The following PPM1H variants were observed in gnomAD, a reference collection of about 807,000 sequenced individuals.
PPM1H encodes protein phosphatase, Mg2+/Mn2+ dependent 1H.
Under a neutral mutation model 54.9 loss-of-function variants are expected in PPM1H, and 27 were observed. The observed-to-expected ratio is 0.49, with a 90% CI of 0.36 to 0.68. The LOEUF (loss-of-function observed/expected upper bound fraction) is 0.68, where lower values mean the gene tolerates loss of function less well. PPM1H is among the 30% of genes least tolerant of loss of function. PPM1H has a pLI of 0.00. For missense variants in PPM1H, 596 were observed against 667.8 expected (o/e 0.89, Z 1.19); for synonymous variants, 305 against 270.8 (o/e 1.13, Z -1.24).
At chr12:62,882,851 G>A (rs919547481) in intron 1 of PPM1H, among the ~76,000 whole-genome samples, 4 of 152,100 alleles carry the variant, frequency 2.6e-5, no homozygotes, top group South Asian at 2.1e-4. Flanking sequence ...CCCCCAGTGC[G>A]GTTTCATGCC....
intron 4 of PPM1H, among the ~76,000 whole-genome samples, chr12:62,767,670 A>G (rs2076552501): frequency 6.6e-6 from 1 of 152,174 alleles, no homozygotes; most frequent in African/African-American, 2.4e-5. Context: ...GATTCGTGTA[A>G]TATGAGTCAC....
chr12:62,898,410 A>G (rs1871061272), intron 1 of PPM1H, among the ~76,000 whole-genome samples: 1 of 152,246 alleles, frequency 6.6e-6, no homozygotes, highest in African/African-American at 2.4e-5. Context: ...GTGGGGCGAC[A>G]AAGGAAAAAA....
intron 4 of PPM1H, among the ~76,000 whole-genome samples, chr12:62,738,862 C>A (rs1430456607): frequency 4.6e-5 from 7 of 152,088 alleles, no homozygotes; most frequent in African/African-American, 1.7e-4. Flanking sequence ...TCTCCCAGTG[C>A]AGAGGCAGTT....
At chr12:62,721,847 T>G (rs2076265624) in intron 5 of PPM1H, among the ~76,000 whole-genome samples, 1 of 152,186 alleles carries the variant, frequency 6.6e-6, no homozygotes. Context: ...TTACAAAAAA[T>G]TATTATAGTC....
intron 9 of PPM1H, among the ~76,000 whole-genome samples, chr12:62,652,572 T>C (rs2075822260): frequency 6.6e-6 from 1 of 152,240 alleles, no homozygotes. Context: ...CTTCTTTCCT[T>C]CTTTCTTGTT....
At chr12:62,875,412 G>A (rs924666150) in intron 1 of PPM1H, among the ~76,000 whole-genome samples, 1 of 152,172 alleles carries the variant, frequency 6.6e-6, no homozygotes, top group Non-Finnish European at 1.5e-5. Context: ...GAAATACTTC[G>A]ATTCACCCTT....
intron 8 of PPM1H, among the ~76,000 whole-genome samples, chr12:62,687,459 C>G (rs558198730): frequency 1.1e-4 from 16 of 152,076 alleles, no homozygotes; most frequent in Non-Finnish European, 1.8e-4. Flanking sequence ...GAACAAGGGT[C>G]CTGCTATGTT....
intron 9 of PPM1H, among the ~76,000 whole-genome samples, chr12:62,658,392 C>T (rs1302448681): frequency 6.6e-6 from 1 of 151,984 alleles, no homozygotes; most frequent in Non-Finnish European, 1.5e-5. Context: ...GTAATAGTAA[C>T]AATTTATTCC....
intron 5 of PPM1H, among the ~76,000 whole-genome samples, chr12:62,728,613 G>A (rs1259748237): frequency 6.6e-6 from 1 of 152,224 alleles, no homozygotes; most frequent in Non-Finnish European, 1.5e-5. Flanking sequence ...CACTAGGCAA[G>A]AGGGAGGCCA....
chr12:62,867,564 ATTTTTTTTTTTTT>A (rs34772338), intron 1 of PPM1H, among the ~76,000 whole-genome samples: 15 of 55,372 alleles, frequency 2.7e-4, no homozygotes, highest in South Asian at 9.1e-4. Flanking sequence ...TATGAGCACT[ATTTTTTTTTTTTT>A]TTTTTTTTTT....
At chr12:62,743,464 A>G (rs1368569538) in intron 4 of PPM1H, among the ~76,000 whole-genome samples, 3 of 152,182 alleles carry the variant, frequency 2.0e-5, no homozygotes, top group Admixed American at 2.0e-4. Context: ...ACTAATTCCT[A>G]GAAAATCCCG....
intron 4 of PPM1H, among the ~76,000 whole-genome samples, chr12:62,742,887 A>G (rs2076390034): frequency 6.6e-6 from 1 of 152,224 alleles, no homozygotes; most frequent in Non-Finnish European, 1.5e-5. Context: ...ATTATCCAAT[A>G]TTAAGGTTAG....
intron 8 of PPM1H, among the ~76,000 whole-genome samples, chr12:62,683,067 TTATTATTA>T (rs2076031215): frequency 2.0e-5 from 3 of 146,890 alleles, no homozygotes; most frequent in African/African-American, 5.0e-5. Context: ...ATTATTATTA[TTATTATTA>T]TTATTATTAT....
intron 1 of PPM1H, among the ~76,000 whole-genome samples, chr12:62,873,662 G>A (rs545575705): frequency 2.0e-5 from 3 of 152,098 alleles, no homozygotes; most frequent in Admixed American, 1.3e-4. Flanking sequence ...GAGAGGACTC[G>A]CACTAACCCA....
At chr12:62,806,636 A>G (rs986178797) in intron 2 of PPM1H, among the ~76,000 whole-genome samples, 15 of 152,070 alleles carry the variant, frequency 9.9e-5, no homozygotes, top group African/African-American at 3.1e-4. Context: ...AAAAGTGTGT[A>G]GCACCTCCCC....
At chr12:62,839,300 G>A (rs1008640215) in intron 1 of PPM1H, among the ~76,000 whole-genome samples, 2 of 152,120 alleles carry the variant, frequency 1.3e-5, no homozygotes, top group African/African-American at 4.8e-5. Context: ...GTTGCAAACT[G>A]GGGTCTCAAG....
chr12:62,836,245 T>C (rs1868500601), intron 1 of PPM1H, among the ~76,000 whole-genome samples: 1 of 152,222 alleles, frequency 6.6e-6, no homozygotes, highest in East Asian at 1.9e-4. Flanking sequence ...TTTCTGGAAA[T>C]TAAACTGGAG....
intron 1 of PPM1H, among the ~76,000 whole-genome samples, chr12:62,922,933 C>G (rs1871848240): frequency 6.6e-6 from 1 of 152,150 alleles, no homozygotes. Flanking sequence ...AGGCAGATTT[C>G]CTAATTTAAT....
chr12:62,689,517 A>G (rs2076071873), intron 8 of PPM1H, among the ~76,000 whole-genome samples, 182 bp downstream of exon 8: 1 of 152,214 alleles, frequency 6.6e-6, no homozygotes, highest in Non-Finnish European at 1.5e-5. Flanking sequence ...GAGGTGATGA[A>G]GGTGTGAACC....
Sources: gnomAD v4.1 joint callset for allele counts (sites outside exome capture counted in the v4.1 genomes callset) on GRCh38, gnomAD v4.1.1 for gene constraint, MANE v1.5 for transcripts, NCBI Gene and HGNC (gene_info 2026-07-23, HGNC 2026-07-21) for gene names.